PDGFRL: variants seen among roughly 807,000 people sequenced by gnomAD.
PDGFRL encodes the protein platelet-derived growth factor receptor-like protein.
Under a neutral mutation model 37.2 loss-of-function variants are expected in PDGFRL, and 46 were observed. That is an observed-to-expected ratio of 1.24 (90% CI 0.98 to 1.58). The LOEUF (loss-of-function observed/expected upper bound fraction) is 1.58. Among genes scored for constraint, PDGFRL ranks in the 40% most tolerant of loss-of-function variants. The probability of loss-of-function intolerance (pLI) is 0.00; values close to 1 mark genes in which losing one functional copy is unlikely to be tolerated. For synonymous variants in PDGFRL, 251 were observed against 184.3 expected (o/e 1.36, Z -2.93); for missense variants, 692 against 467.6 (o/e 1.48, Z -4.43).
intron 2 of PDGFRL, 64 bp downstream of exon 2, chr8:17,589,829 TTAAC>T: frequency 1.1e-6 from 1 of 919,674 alleles, no homozygotes; most frequent in Non-Finnish European, 1.7e-6. Flanking sequence ...AAATTCCTTC[TTAAC>T]TATTATTACA....
chr8:17,618,323 T>A (rs1052809847), intron 2 of PDGFRL, among the ~76,000 whole-genome samples: 1 of 152,204 alleles, frequency 6.6e-6, no homozygotes, highest in African/African-American at 2.4e-5. Context: ...CCCAAAGTGT[T>A]GGGATTATAG....
intron 2 of PDGFRL, among the ~76,000 whole-genome samples, chr8:17,613,804 C>T (rs1197447215): frequency 6.6e-6 from 1 of 151,998 alleles, no homozygotes; most frequent in African/African-American, 2.4e-5. Flanking sequence ...GTGTGAACCC[C>T]ACGGAGGTCA....
intron 2 of PDGFRL, among the ~76,000 whole-genome samples, chr8:17,616,087 G>A (rs1040438111): frequency 6.6e-6 from 1 of 152,190 alleles, no homozygotes; most frequent in African/African-American, 2.4e-5. Context: ...CTGTAGCTAA[G>A]GACTCTGAAG....
intron 1 of PDGFRL, among the ~76,000 whole-genome samples, chr8:17,581,552 G>A (rs956108026): frequency 1.3e-5 from 2 of 152,160 alleles, no homozygotes; most frequent in African/African-American, 4.8e-5. Flanking sequence ...CCTCATGGGA[G>A]GTGTTTGGGC....
At chr8:17,601,505 C>T (rs1450968732) in intron 2 of PDGFRL, among the ~76,000 whole-genome samples, 3 of 150,766 alleles carry the variant, frequency 2.0e-5, no homozygotes, top group Non-Finnish European at 4.4e-5. Flanking sequence ...TGTATATGTG[C>T]AGGTTTGTTA....
intron 2 of PDGFRL, among the ~76,000 whole-genome samples, chr8:17,611,139 C>G (rs1424380647): frequency 6.6e-6 from 1 of 152,228 alleles, no homozygotes; most frequent in African/African-American, 2.4e-5. Context: ...ATTCCCAGCT[C>G]TGCCTCTAGC....
chr8:17,597,682 A>G lies in PDGFRL; in HGVS notation c.353+7917A>G, dbSNP rs1305078082. Among the ~76,000 whole-genome samples, 3 of 152,122 alleles carry G rather than the reference A, an allele frequency of 2.0e-5. 1 individual carries two copies. Among genetic ancestry groups the G allele is most frequent in the African/African-American group, 7.2e-5 (3 of 41,418 alleles). ...ACAATATGAAGAAAACATTCATGGC[A>G]CCCAAATATAATTTGGCATCTCTCT... is the stretch of plus-strand genomic sequence containing the variant. On this transcript the variant is annotated intron_variant, in intron 2 of 5. Coordinates refer to ENST00000251630, the MANE Select transcript of PDGFRL (RefSeq NM_001372073.1).
At position 17,642,670 on chromosome 8, in the gene PDGFRL, C is replaced by T; in HGVS notation, c.997C>T (p.His333Tyr). Residue 333 changes from histidine (H) to tyrosine (Y), a missense_variant, in exon 6 of 6, where the codon CAC becomes TAC. Transcript: ENST00000251630. The part of the protein sequence containing the change: ...TWRLIHRGLG[H>Y]TTRISQSVIT... ...GAGGTTGATCCACAGAGGACTGGGACACACCACGAGAATCTCCCAGAGTGT... is the reference window on the plus strand; with the variant it reads ...GAGGTTGATCCACAGAGGACTGGGATACACCACGAGAATCTCCCAGAGTGT... The T allele has an allele frequency of 6.2e-7, 1 of 1,606,012 alleles. No homozygotes were observed. Among genetic ancestry groups the T allele is most frequent in the South Asian group, 1.1e-5 (1 of 90,932 alleles).
At chr8:17,622,856 C>T (rs559949188) in intron 3 of PDGFRL, among the ~76,000 whole-genome samples, 2 of 152,302 alleles carry the variant, frequency 1.3e-5, no homozygotes, top group African/African-American at 2.4e-5. Flanking sequence ...CCCATCCTTT[C>T]AGTGTACCTG....
chr8:17,577,482 C>T (rs959537708), intron 1 of PDGFRL, among the ~76,000 whole-genome samples, 175 bp downstream of exon 1: 4 of 152,026 alleles, frequency 2.6e-5, no homozygotes, highest in East Asian at 1.9e-4. Flanking sequence ...CTCCTTTCCT[C>T]CCACTCTTTG....
intron 3 of PDGFRL, 58 bp from the exon 4 acceptor site, chr8:17,628,429 G>A: frequency 7.3e-7 from 1 of 1,378,656 alleles, no homozygotes; most frequent in Non-Finnish European, 1.0e-6. Context: ...AATCCTTAAG[G>A]GTGCTTTTAC....
chr8:17,593,016 T>C (rs1803976111), intron 2 of PDGFRL, among the ~76,000 whole-genome samples: 1 of 152,108 alleles, frequency 6.6e-6, no homozygotes, highest in African/African-American at 2.4e-5. Flanking sequence ...AACTGTCTAC[T>C]TATCTCTCTT....
chr8:17,619,063 A>C (rs1020164765), intron 2 of PDGFRL, among the ~76,000 whole-genome samples: 1 of 152,182 alleles, frequency 6.6e-6, no homozygotes, highest in Admixed American at 6.5e-5. Context: ...TGCGTTCAGG[A>C]CCAACTCACC....
intron 2 of PDGFRL, among the ~76,000 whole-genome samples, chr8:17,611,819 C>A (rs1804423400): frequency 6.6e-6 from 1 of 152,144 alleles, no homozygotes; most frequent in African/African-American, 2.4e-5. Context: ...ATGGGGGAGA[C>A]ATTTCTCCAG....
chr8:17,638,788 A>ATATAT (rs1805033295), intron 5 of PDGFRL, among the ~76,000 whole-genome samples: 16 of 71,580 alleles, frequency 2.2e-4, no homozygotes, highest in Non-Finnish European at 2.5e-4. Flanking sequence ...TATATATATA[A>ATATAT]TTGTGATATT....
intron 3 of PDGFRL, among the ~76,000 whole-genome samples, chr8:17,622,640 T>C (rs1225458983): frequency 6.6e-6 from 1 of 152,214 alleles, no homozygotes; most frequent in African/African-American, 2.4e-5. Flanking sequence ...TCTTGTCTCA[T>C]GCCAGGAAAA....
At chr8:17,641,896 T>TCCCCGCC (rs67098871) in intron 5 of PDGFRL, among the ~76,000 whole-genome samples, 2 of 103,888 alleles carry the variant, frequency 1.9e-5, no homozygotes, top group African/African-American at 9.4e-5. Context: ...TCAATAGAGG[T>TCCCCGCC]CCCCGCCACA....
At chr8:17,608,853 A>G (rs1804342946) in intron 2 of PDGFRL, among the ~76,000 whole-genome samples, 1 of 152,076 alleles carries the variant, frequency 6.6e-6, no homozygotes, top group African/African-American at 2.4e-5. Flanking sequence ...GGCAAATGGA[A>G]TCATTGTGTA....
Position 17,628,673 on chromosome 8 carries a change from TTG to T in PDGFRL, c.696_697del (p.Tyr233SerfsTer82). 6.2e-7 allele frequency: 1 copy of T among 1,614,088 alleles called. No individual in the cohort carries two copies. The highest frequency in any genetic ancestry group is 1.1e-5 in the South Asian group (1 of 91,078). The stretch of plus-strand genomic sequence containing the variant: ...ATTGTTTATGACATGAAGCGGGGCT[TTG>T]TGTATCTGCAACCTCATTCCGAGCA... On this transcript the variant is annotated frameshift_variant, in exon 4 of 6. Transcript: ENST00000251630. LOFTEE classifies it high-confidence loss of function.
Sources: gnomAD v4.1 joint callset for allele counts (sites outside exome capture counted in the v4.1 genomes callset) on GRCh38, gnomAD v4.1.1 for gene constraint, MANE v1.5 for transcripts, NCBI Gene and HGNC (gene_info 2026-07-23, HGNC 2026-07-21) for gene names.